The following ANKLE2 variants were observed in gnomAD, a reference collection of about 807,000 sequenced individuals.
The protein encoded by ANKLE2 is ankyrin repeat and LEM domain-containing protein 2.
A neutral mutation model predicts 84.2 loss-of-function variants in ANKLE2; 55 were observed. That is an observed-to-expected ratio of 0.65 (90% CI 0.53 to 0.82). The LOEUF (loss-of-function observed/expected upper bound fraction) is 0.82, where lower values mean the gene tolerates loss of function less well. Ranked by LOEUF, ANKLE2 falls within the 40% of genes least tolerant of loss-of-function variation. The pLI is 0.00. For missense variants in ANKLE2, 1,238 were observed against 1,201.9 expected (o/e 1.03, Z -0.44); for synonymous variants, 551 against 486.1 (o/e 1.13, Z -1.76).
rs781042749 is a variant in ANKLE2, at chr12:132,747,945, C to A, written c.1117G>T (p.Val373Phe). ...QASICQLTLD[V>F]LENPDFMRLM... ...CTCATGAAGTCAGGGTTCTCCAGGA[C>A]GTCCAGAGTCAGCTGGCAGATGGAA... Residue 373 changes from valine (V) to phenylalanine (F), a missense_variant, in exon 5 of 13, where the codon GTC becomes TTC. Physicochemically the swap from Val to Phe is conservative, Grantham distance 50. Around this residue, in one of 3 missense-constraint regions of ANKLE2, gnomAD observed 802 missense variants for 774.5 expected, o/e 1.04. Coordinates refer to ENST00000357997, the MANE Select transcript of ANKLE2 (RefSeq NM_015114.3). The A allele has an allele frequency of 1.1e-5, 18 of 1,600,246 alleles. No homozygotes were observed. The South Asian group carries it at 1.8e-4, about 16-fold the overall frequency.
intron 8 of ANKLE2, 33 bp from the exon 9 acceptor site, chr12:132,735,545 C>T (rs1193748506): frequency 1.0e-5 from 16 of 1,576,196 alleles, no homozygotes; most frequent in Non-Finnish European, 1.4e-5. Context: ...TGAGCCGTGT[C>T]AGGCACTGCG....
chr12:132,737,932 T>A (rs2044045426), intron 7 of ANKLE2: 1 of 152,146 alleles, frequency 6.6e-6, no homozygotes, highest in African/African-American at 2.4e-5. Context: ...ATTTTTACTT[T>A]TTGTAGAGAT....
chr12:132,735,033 C>G (rs375327500), intron 9 of ANKLE2: 1 of 286,806 alleles, frequency 3.5e-6, no homozygotes, highest in African/African-American at 2.3e-5. Context: ...AACAATTCCA[C>G]GAAGCTTTAT....
At chr12:132,734,337 C>T (rs760808170) in intron 10 of ANKLE2, 48 bp downstream of exon 10, 2 of 1,598,038 alleles carry the variant, frequency 1.3e-6, no homozygotes, top group Non-Finnish European at 8.5e-7. Context: ...AGACCCCGGC[C>T]ATGGGGGGCC....
intron 5 of ANKLE2, among the ~76,000 whole-genome samples, chr12:132,744,740 G>T (rs2044199438): frequency 6.6e-6 from 1 of 152,126 alleles, no homozygotes; most frequent in African/African-American, 2.4e-5. Context: ...GAGTGCAGTG[G>T]CGTGATATGG....
intron 1 of ANKLE2, chr12:132,759,554 C>G (rs78695880): frequency 6.6e-6 from 1 of 151,252 alleles, no homozygotes; most frequent in Non-Finnish European, 1.5e-5. Flanking sequence ...ATACACGTAT[C>G]ATATGCCATG....
chr12:132,737,330 A>G (rs1593152206), intron 7 of ANKLE2: 1 of 387,036 alleles, frequency 2.6e-6, no homozygotes, highest in African/African-American at 2.0e-5. Context: ...AGAAAAGAAA[A>G]GGAAGCCCCA....
chr12:132,742,576 T>C (rs1009418569), intron 6 of ANKLE2: 2 of 152,362 alleles, frequency 1.3e-5, no homozygotes, highest in Admixed American at 1.3e-4. Flanking sequence ...CTCAGGATCA[T>C]GACGAGGCCT....
Position 132,730,200 on chromosome 12 carries a change from C to T in ANKLE2, c.1962G>A (p.Arg654=). 1 of 1,599,234 alleles carries T rather than the reference C, an allele frequency of 6.3e-7. No individual in the cohort carries two copies. Among genetic ancestry groups the T allele is most frequent in the Non-Finnish European group, 8.5e-7 (1 of 1,172,784 alleles). ...GGCTGTTATTTCGAGCTGCATTTTG[C>T]CGATTTTTTATTTCTTCCAAGCTCA... is the stretch of plus-strand genomic sequence containing the variant. ...DDMSLEEIKN[R]QNAARNNSPP... Residue 654 remains arginine, a synonymous_variant, in exon 11 of 13, where the codon CGG becomes CGA. Coordinates refer to ENST00000357997, the MANE Select transcript of ANKLE2 (RefSeq NM_015114.3).
intron 2 of ANKLE2, among the ~76,000 whole-genome samples, chr12:132,752,624 C>T (rs2044380700): frequency 6.6e-6 from 1 of 152,118 alleles, no homozygotes; most frequent in African/African-American, 2.4e-5. Flanking sequence ...CTGCCTCGGC[C>T]TCCCAAAGTG....
intron 5 of ANKLE2, among the ~76,000 whole-genome samples, chr12:132,747,164 G>A (rs920788387): frequency 2.0e-5 from 3 of 152,328 alleles, no homozygotes; most frequent in African/African-American, 2.4e-5. Context: ...CCTTTTCTCC[G>A]GAGCTACCAA....
chr12:132,742,814 C>CACCATCATTCTCACT (rs2044159724), intron 6 of ANKLE2, among the ~76,000 whole-genome samples: 1 of 760 alleles, frequency 1.3e-3, no homozygotes, highest in Non-Finnish European at 3.0e-3. Context: ...TCATCATCAC[C>CACCATCATTCTCACT]ACCACCATCA....
At position 132,750,627 on chromosome 12, in the gene ANKLE2, CG is replaced by C; in HGVS notation, c.847+15del. 6.2e-7 allele frequency: 1 copy of C among 1,612,936 alleles called. No homozygotes were observed. Among genetic ancestry groups the C allele is most frequent in the South Asian group, 1.1e-5 (1 of 90,812 alleles). ...TGTGACAGGAACATCAAGATGTGAACGGCTGCATGATTTACCTTTCAACCTG... is the reference window on the plus strand; with the variant it reads ...TGTGACAGGAACATCAAGATGTGAACGCTGCATGATTTACCTTTCAACCTG... On this transcript the variant is annotated intron_variant, in intron 3 of 12. Coordinates refer to ENST00000357997, the MANE Select transcript of ANKLE2 (RefSeq NM_015114.3).
chr12:132,740,749 C>T (rs900097249), intron 7 of ANKLE2, among the ~76,000 whole-genome samples: 13 of 151,854 alleles, frequency 8.6e-5, no homozygotes, highest in Non-Finnish European at 1.5e-5. Context: ...CTGGCACCTA[C>T]AAACCGCAAG....
At chr12:132,738,198 G>A (rs552256216) in intron 7 of ANKLE2, 4 of 152,198 alleles carry the variant, frequency 2.6e-5, no homozygotes, top group South Asian at 4.1e-4. Flanking sequence ...CGGCCTCCTC[G>A]CTTCTCAGTC....
intron 12 of ANKLE2, among the ~76,000 whole-genome samples, 200 bp from the exon 13 acceptor site, chr12:132,727,643 C>A (rs895057471): frequency 2.0e-5 from 3 of 150,870 alleles, no homozygotes; most frequent in African/African-American, 7.3e-5. Context: ...CACACGCGCC[C>A]GGGCGGAGGA....
intron 12 of ANKLE2, among the ~76,000 whole-genome samples, chr12:132,727,731 G>C (rs769037998): frequency 6.6e-6 from 1 of 152,000 alleles, no homozygotes; most frequent in African/African-American, 2.4e-5. Context: ...TGGCACCGCG[G>C]GCACTGGGAG....
intron 10 of ANKLE2, 55 bp from the exon 11 acceptor site, chr12:132,730,325 C>G (rs1194753557): frequency 8.4e-6 from 12 of 1,431,650 alleles, no homozygotes; most frequent in Admixed American, 2.3e-5. Context: ...AGCCACGGAG[C>G]TGCTCCGCCC....
At chr12:132,751,692 G>A (rs1593176506) in intron 2 of ANKLE2, among the ~76,000 whole-genome samples, 2 of 150,750 alleles carry the variant, frequency 1.3e-5, no homozygotes, top group African/African-American at 4.9e-5. Context: ...ATAGGCACCG[G>A]CCACCATGCC....
Sources: gnomAD v4.1 joint callset for allele counts (sites outside exome capture counted in the v4.1 genomes callset) on GRCh38, gnomAD v4.1.1 for gene constraint, gnomAD v4.1.1 regional missense constraint, MANE v1.5 for transcripts, NCBI Gene and HGNC (gene_info 2026-07-23, HGNC 2026-07-21) for gene names.